LIME1: variants seen among roughly 807,000 people sequenced by gnomAD.
LIME1 encodes Lck interacting transmembrane adaptor 1.
A neutral mutation model predicts 18.8 loss-of-function variants in LIME1; 23 were observed. That is an observed-to-expected ratio of 1.22 (90% CI 0.88 to 1.73). The LOEUF (loss-of-function observed/expected upper bound fraction) is 1.73, where lower values mean the gene tolerates loss of function less well. Ranked by LOEUF, LIME1 falls within the 40% of genes most tolerant of loss-of-function variation. LIME1 has a pLI of 0.00. For synonymous variants in LIME1, 177 were observed against 182.3 expected (o/e 0.97, Z 0.23); for missense variants, 423 against 396.8 (o/e 1.07, Z -0.56).
At chr20:63,735,731 G>A, upstream of LIME1, 1 of 1,558,014 alleles carries the variant, frequency 6.4e-7, no homozygotes, top group Non-Finnish European at 8.7e-7. Context: ...GCAGACTGGG[G>A]TTGGTGGCAT....
At chr20:63,738,085 G>GGGGGCT in intron 4 of LIME1, 25 bp downstream of exon 4, 2 of 1,525,440 alleles carry the variant, frequency 1.3e-6, no homozygotes. Context: ...GGGCGGGGGC[G>GGGGGCT]GCCGGGCGGG....
chr20:63,737,950 C>T (rs753481963), intron 3 of LIME1, 23 bp from the exon 4 acceptor site: 18 of 1,570,194 alleles, frequency 1.1e-5, no homozygotes, highest in African/African-American at 5.4e-5. Context: ...CGCAGGGCAC[C>T]GACCAGCCTT....
At position 63,737,967 on chromosome 20, in the gene LIME1, C is replaced by G. The variant is rs1356388712; in HGVS notation, c.181-6C>G. 1 of 1,571,832 alleles carries G rather than the reference C, an allele frequency of 6.4e-7. No individual in the cohort carries two copies. The highest frequency in any genetic ancestry group is 8.6e-7 in the Non-Finnish European group (1 of 1,160,792). Reference sequence around the variant, plus strand: ...CAGGGCACCGACCAGCCTTCCTCGCCCCCAGTCCCTACTGAGGCGGACCCA... The same window carrying G: ...CAGGGCACCGACCAGCCTTCCTCGCGCCCAGTCCCTACTGAGGCGGACCCA... On this transcript the variant is annotated splice_polypyrimidine_tract_variant and splice_region_variant and intron_variant, in intron 3 of 5. Transcript: ENST00000309546.
upstream of LIME1, chr20:63,736,605 T>G (rs1033084974): frequency 1.0e-4 from 103 of 986,534 alleles, no homozygotes; most frequent in Non-Finnish European, 1.2e-4. Flanking sequence ...GGGGAGGCGC[T>G]TGGCGACAGG....
At position 63,739,031 on chromosome 20, in the gene LIME1, C is replaced by T. The variant is rs1419388585; in HGVS notation, c.*131C>T. On this transcript the variant is annotated 3_prime_UTR_variant, in exon 6 of 6. Coordinates refer to ENST00000309546, the MANE Select transcript of LIME1 (RefSeq NM_017806.4). ...TGAGGTCCGTGAGGTCCTGGCCGCT[C>T]TGACAGCCGCGGCCTCCCCGGGCTC... is the stretch of plus-strand genomic sequence containing the variant. 6.2e-6 allele frequency: 5 copies of T among 802,196 alleles called. No homozygotes were observed. The highest frequency in any genetic ancestry group is 9.4e-6 in the Non-Finnish European group (5 of 533,306). The allele number at this position is 802,196 out of a possible 1,614,324, so 49.7% of individuals were successfully genotyped here.
rs1259878566 is a variant in LIME1 at position 63,737,838 on chromosome 20, C to T, written c.116C>T (p.Ala39Val). 11 of 1,523,274 alleles carry T rather than the reference C, an allele frequency of 7.2e-6. No homozygotes were observed. The highest frequency in any genetic ancestry group is 6.1e-6 in the Non-Finnish European group (7 of 1,140,716). The allele number at this position is 1,523,274 out of a possible 1,614,324, so 94.4% of individuals were successfully genotyped here. ...TACRRPEDAVAPRKRARRQRA... is the reference protein window; with the variant it reads ...TACRRPEDAVVPRKRARRQRA... ...CCCCCAAGGCCCGAGGACGCTGTAG[C>T]CCCCAGGAAGAGGGCGCGGAGGCAG... Residue 39 changes from alanine to valine, a missense_variant, in exon 3 of 6, where the codon GCC (alanine) becomes GTC (valine). Coordinates refer to ENST00000309546, the MANE Select transcript of LIME1 (RefSeq NM_017806.4).
intron 1 of LIME1, chr20:63,737,160 G>A (rs1384993399): frequency 9.8e-7 from 1 of 1,015,502 alleles, no homozygotes; most frequent in African/African-American, 1.7e-5. Flanking sequence ...TCTGGGCAGA[G>A]GGTGGCTGCA....
upstream of LIME1, chr20:63,736,056 G>T: frequency 2.3e-6 from 3 of 1,284,876 alleles, no homozygotes; most frequent in Non-Finnish European, 3.2e-6. Flanking sequence ...GAGCTGCGGG[G>T]TCCCATCTGG....
chr20:63,737,677 G>A, intron 2 of LIME1, 30 bp downstream of exon 2: 1 of 1,521,888 alleles, frequency 6.6e-7, no homozygotes, highest in Non-Finnish European at 8.8e-7. Flanking sequence ...TCTGTCTGGG[G>A]CCTCGCTGCG....
rs2092023913 is a variant in LIME1, at chr20:63,738,757, C to T, written c.745C>T (p.Pro249Ser). Residue 249 changes from proline to serine, a missense_variant, in exon 6 of 6, where the codon CCC becomes TCC. Coordinates refer to ENST00000309546, the MANE Select transcript of LIME1 (RefSeq NM_017806.4). ...CAGGGCCCTGGATGTGGACAGCGGCCCCCTGGAAAACGTGTATGAGAGCAT... is the reference window on the plus strand; with the variant it reads ...CAGGGCCCTGGATGTGGACAGCGGCTCCCTGGAAAACGTGTATGAGAGCAT... ...PLRALDVDSG[P>S]LENVYESIRE... is the part of the protein sequence containing the mutation. 9 of 1,613,052 alleles carry T rather than the reference C, an allele frequency of 5.6e-6. No homozygotes were observed. The highest frequency in any genetic ancestry group is 1.3e-5 in the African/African-American group (1 of 75,056).
At chr20:63,735,808 G>A, upstream of LIME1, 1 of 1,610,906 alleles carries the variant, frequency 6.2e-7, no homozygotes, top group Middle Eastern at 1.7e-4. Flanking sequence ...CCCAGCTGCA[G>A]GAGAAGCTGG....
chr20:63,735,745 C>G, upstream of LIME1: 1 of 1,565,872 alleles, frequency 6.4e-7, no homozygotes, highest in Non-Finnish European at 8.6e-7. Context: ...GTGGCATGGC[C>G]CAGGACCCCA....
rs1177779693 is a variant in LIME1 at position 63,738,686 on chromosome 20, C to T, written c.674C>T (p.Ala225Val). Residue 225 changes from alanine (A) to valine (V), a missense_variant, in exon 6 of 6, where the codon GCG (alanine) becomes GTG (valine). Coordinates refer to ENST00000309546, the MANE Select transcript of LIME1 (RefSeq NM_017806.4). ...CCGCTGGACCCCAAGGGCCAGGGAG[C>T]GATTCTGGCCCTGGCGGGTGACCTG... The part of the protein sequence containing the change: ...TDPLDPKGQG[A>V]ILALAGDLAY... 1 of 1,612,754 alleles carries T rather than the reference C, an allele frequency of 6.2e-7. No homozygotes were observed. Among genetic ancestry groups the T allele is most frequent in the South Asian group, 1.1e-5 (1 of 91,076 alleles).
Position 63,737,698 on chromosome 20 carries a change from A to T in LIME1, c.98+51A>T, listed in dbSNP as rs762976781. On this transcript the variant is annotated intron_variant, in intron 2 of 5. Transcript: ENST00000309546. ...TGGGGCCTCGCTGCGGCTGCCATTCACAGCCCAGCGCGGGAAGGGGCTGGA... is the reference window on the plus strand; with the variant it reads ...TGGGGCCTCGCTGCGGCTGCCATTCTCAGCCCAGCGCGGGAAGGGGCTGGA... 8.7e-6 allele frequency: 13 copies of T among 1,490,288 alleles called. No homozygotes were observed. In the African/African-American group the frequency reaches 1.7e-4, roughly 20 times the overall value. The allele number at this position is 1,490,288 out of a possible 1,614,324, so 92.3% of individuals were successfully genotyped here.
intron 2 of LIME1, 68 bp from the exon 3 acceptor site, chr20:63,737,753 G>C (rs893661203): frequency 7.1e-7 from 1 of 1,411,330 alleles, no homozygotes; most frequent in Non-Finnish European, 9.3e-7. Flanking sequence ...CTCGGCACGC[G>C]CGCCTGCACC....
At chr20:63,736,504 T>C (rs1267536201), upstream of LIME1, 2 of 488,982 alleles carry the variant, frequency 4.1e-6, no homozygotes, top group Non-Finnish European at 5.3e-6. Context: ...CAGTGCGGGC[T>C]AGAGGCGCAC....
intron 2 of LIME1, 67 bp from the exon 3 acceptor site, chr20:63,737,754 C>A: frequency 1.4e-6 from 2 of 1,413,588 alleles, no homozygotes; most frequent in Non-Finnish European, 1.9e-6. Flanking sequence ...TCGGCACGCG[C>A]GCCTGCACCG....
chr20:63,738,489 C>A lies in LIME1; in HGVS notation c.575C>A (p.Pro192Gln), dbSNP rs866562108. ...CAGCAGGGGAAGACTGAGGTGACCC[C>A]GGCCGCTCAGGTAACGTGGGCCAGG... The part of the protein sequence containing the change: ...EPQQGKTEVT[P>Q]AAQVDVLYSR... Residue 192 changes from proline (P) to glutamine (Q), a missense_variant, in exon 5 of 6, where the codon CCG becomes CAG. By Grantham distance (76) the Pro-to-Gln change is moderately conservative (BLOSUM62 -1). Transcript: ENST00000309546. 5.9e-6 allele frequency: 9 copies of A among 1,514,486 alleles called. No homozygotes were observed. In the Middle Eastern group the frequency reaches 1.1e-3, roughly 179 times the overall value. 93.8% of individuals were successfully genotyped at this position (1,514,486 alleles called of 1,614,324 possible).
At position 63,738,338 on chromosome 20, in the gene LIME1, G is replaced by T. The variant is rs1404822415; in HGVS notation, c.424G>T (p.Glu142Ter). Reference sequence around the variant, plus strand: ...AGCCACCGCAGGGTGCGCTGGCCTCGAGGCCACCTATTCCAACGTGGGGCT... The same window carrying T: ...AGCCACCGCAGGGTGCGCTGGCCTCTAGGCCACCTATTCCAACGTGGGGCT... ...AAATAGCAGL[E>*]ATYSNVGLAA... The change falls in exon 5 of 6, where the codon GAG becomes TAG. Residue 142 changes from glutamate (E) to a stop codon, truncating the protein, a stop_gained. Coordinates refer to ENST00000309546, the MANE Select transcript of LIME1 (RefSeq NM_017806.4). LOFTEE classifies it high-confidence loss of function. 4 of 1,558,068 alleles carry T rather than the reference G, an allele frequency of 2.6e-6. No individual in the cohort carries two copies. In the African/African-American group the frequency reaches 4.1e-5, roughly 16 times the overall value.
Sources: gnomAD v4.1 joint callset for allele counts on GRCh38, gnomAD v4.1.1 for gene constraint, MANE v1.5 for transcripts, NCBI Gene and HGNC (gene_info 2026-07-23, HGNC 2026-07-21) for gene names.